Variants in SYT1 observed in about 807,000 individuals in gnomAD.
SYT1 encodes the protein synaptotagmin 1.
In SYT1, 8 loss-of-function variants were observed where a neutral mutation model predicts 44.8. The ratio of observed to expected loss-of-function variants is 0.18; its 90% CI spans 0.10 to 0.32. The LOEUF is 0.32. Among genes scored for constraint, SYT1 ranks in the 10% least tolerant of loss-of-function variants. The pLI is 1.00. For missense variants in SYT1, 286 were observed against 509.3 expected, an observed-to-expected ratio of 0.56 and a Z score of 4.22; for synonymous variants, 154 against 188.8, an observed-to-expected ratio of 0.82 and a Z score of 1.51.
chr12:79,179,500 G>GATATAT (rs1565842406), intron 3 of SYT1, among the ~76,000 whole-genome samples: 2 of 104,208 alleles, frequency 1.9e-5, no homozygotes, highest in African/African-American at 8.6e-5. Flanking sequence ...TATCTATATA[G>GATATAT]ATATAGATAT....
In SYT1 at chr12:79,280,798, A is replaced by G. The variant is rs78721142; in HGVS notation, c.167-4989A>G. On this transcript the variant is annotated intron_variant, in intron 4 of 10. Coordinates refer to ENST00000261205, the MANE Select transcript of SYT1 (RefSeq NM_005639.3). ...CCAAGATCCACAGGGACCTCAAATC[A>G]GCAAGAAAAAAAGATAATAATCCCA... is the stretch of plus-strand genomic sequence containing the variant. Among the ~76,000 whole-genome samples the G allele has an allele frequency of 4.1e-3, 620 of 152,058 alleles. 8 individuals are homozygous for G. Among genetic ancestry groups the G allele is most frequent in the African/African-American group, 0.014 (602 of 41,522 alleles).
At chr12:78,973,925 AAAAAAAAAAAAAAATATATATAT>A (rs1159740536) in intron 1 of SYT1, among the ~76,000 whole-genome samples, 11 of 31,206 alleles carry the variant, frequency 3.5e-4, no homozygotes, top group African/African-American at 1.2e-3. Flanking sequence ...CCAAAAAAAA[AAAAAAAAAAAAAAATATATATAT>A]ATATATATAT....
At chr12:79,161,664 A>T (rs1396655311) in intron 3 of SYT1, among the ~76,000 whole-genome samples, 3 of 152,182 alleles carry the variant, frequency 2.0e-5, no homozygotes, top group Non-Finnish European at 4.4e-5. Context: ...TCTATTTTAC[A>T]ACTGAAGAAC....
intron 1 of SYT1, among the ~76,000 whole-genome samples, chr12:78,887,709 C>T (rs934759810): frequency 1.3e-5 from 2 of 151,954 alleles, no homozygotes; most frequent in East Asian, 3.9e-4. Flanking sequence ...GAGGATATCT[C>T]AATCATCTTT....
intron 8 of SYT1, among the ~76,000 whole-genome samples, chr12:79,352,042 A>C (rs142638601): frequency 1.2e-3 from 180 of 152,272 alleles, no homozygotes; most frequent in African/African-American, 4.2e-3. Context: ...ACTTGGAGCC[A>C]TAAACATATT....
chr12:79,267,487 A>T (rs1349223729), intron 4 of SYT1, among the ~76,000 whole-genome samples: 1 of 152,192 alleles, frequency 6.6e-6, no homozygotes, highest in African/African-American at 2.4e-5. Context: ...CTAACGTAAA[A>T]GTTGAAAAGA....
At chr12:79,187,666 A>G (rs1872881083) in intron 3 of SYT1, among the ~76,000 whole-genome samples, 1 of 152,120 alleles carries the variant, frequency 6.6e-6, no homozygotes, top group Admixed American at 6.6e-5. Flanking sequence ...GATTAGTAGG[A>G]GCCCTAGAAA....
chr12:79,124,617 C>T (rs1028018976), intron 3 of SYT1, among the ~76,000 whole-genome samples: 3 of 152,064 alleles, frequency 2.0e-5, no homozygotes, highest in Middle Eastern at 3.4e-3. Flanking sequence ...ATCATCATCA[C>T]CATCGCCATT....
At position 79,179,478 on chromosome 12, in the gene SYT1, G is replaced by GATATATCCATAT. The variant is rs1565842326; in HGVS notation, c.-17-38024_-17-38023insTATATCCATATA. On this transcript the variant is annotated intron_variant, in intron 3 of 10. Transcript: ENST00000261205. ...TATAATCTATATAGATATAGATATAGAGATATAGATATATCTATATAGATA... is the reference window on the plus strand; with the variant it reads ...TATAATCTATATAGATATAGATATAGATATATCCATATAGATATAGATATATCTATATAGATA... Among the ~76,000 whole-genome samples, 16 of 17,998 alleles carry GATATATCCATAT rather than the reference G, an allele frequency of 8.9e-4. 1 individual carries two copies. Among genetic ancestry groups the GATATATCCATAT allele is most frequent in the Admixed American group, 1.6e-3 (3 of 1,904 alleles). 11.8% of individuals were successfully genotyped at this position (17,998 alleles called of 152,430 possible). A position where few individuals can be genotyped will look rare whatever the true frequency, so the allele number is the denominator to read the frequency against.
intron 8 of SYT1, among the ~76,000 whole-genome samples, chr12:79,349,322 A>T (rs1882787138): frequency 6.6e-6 from 1 of 152,152 alleles, no homozygotes; most frequent in Admixed American, 6.5e-5. Context: ...TGAGTTAGTG[A>T]CCCTGACAGA....
chr12:79,209,909 A>G (rs1448322459), intron 3 of SYT1, among the ~76,000 whole-genome samples: 1 of 152,188 alleles, frequency 6.6e-6, no homozygotes, highest in Non-Finnish European at 1.5e-5. Context: ...GTTAGTTTCA[A>G]TATGGGACTT....
rs545344575 is a variant in SYT1, at chr12:79,188,168, A to G, written c.-17-29335A>G. Among the ~76,000 whole-genome samples, 8 of 152,106 alleles carry G rather than the reference A, an allele frequency of 5.3e-5. No individual in the cohort carries two copies. In the East Asian group the frequency reaches 1.5e-3, roughly 29 times the overall value. On this transcript the variant is annotated intron_variant, in intron 3 of 10. Transcript: ENST00000261205. ...ATTTCCTATTCCAGTTCCCTTTTTC[A>G]TCCAGAGATTTTTATAAGATCATAT...
At chr12:78,977,087 T>A (rs936177454) in intron 1 of SYT1, among the ~76,000 whole-genome samples, 1 of 149,640 alleles carries the variant, frequency 6.7e-6, no homozygotes, top group Non-Finnish European at 1.5e-5. Context: ...AAAGAAAGAA[T>A]GGGGAAAAAA....
chr12:79,002,037 A>T (rs535638357), intron 2 of SYT1, among the ~76,000 whole-genome samples: 31 of 152,276 alleles, frequency 2.0e-4, no homozygotes, highest in African/African-American at 7.5e-4. Flanking sequence ...TCTGCATGAT[A>T]AAATAACTAA....
intron 9 of SYT1, among the ~76,000 whole-genome samples, chr12:79,429,326 C>A (rs1205465756): frequency 6.6e-6 from 1 of 151,992 alleles, no homozygotes; most frequent in Admixed American, 6.6e-5. Context: ...CCTGCCTCAG[C>A]CTCCCACATA....
At chr12:79,313,897 CG>C (rs1412816083) in intron 8 of SYT1, among the ~76,000 whole-genome samples, 1 of 148,906 alleles carries the variant, frequency 6.7e-6, no homozygotes, top group Admixed American at 6.6e-5. Context: ...GGGCCGGGCG[CG>C]GTGGCTCACG....
intron 3 of SYT1, among the ~76,000 whole-genome samples, chr12:79,050,789 C>T (rs985638654): frequency 2.0e-5 from 3 of 151,922 alleles, no homozygotes; most frequent in African/African-American, 7.3e-5. Flanking sequence ...TTGCAAATAT[C>T]CCAAATGTTA....
intron 1 of SYT1, among the ~76,000 whole-genome samples, chr12:78,917,815 T>C (rs1374370293): frequency 2.6e-5 from 4 of 151,996 alleles, no homozygotes; most frequent in Non-Finnish European, 5.9e-5. Flanking sequence ...GCCTACGTTG[T>C]TGGATAGCCT....
chr12:79,088,738 CTGTGTGTGTGTGTG>C (rs571903732), intron 3 of SYT1, among the ~76,000 whole-genome samples: 90 of 137,262 alleles, frequency 6.6e-4, no homozygotes, highest in African/African-American at 1.6e-3. Context: ...GGCTTTGGGC[CTGTGTGTGTGTGTG>C]TGTGTGTGTG....
Sources: gnomAD v4.1 joint callset for allele counts (sites outside exome capture counted in the v4.1 genomes callset) on GRCh38, gnomAD v4.1.1 for gene constraint, MANE v1.5 for transcripts, NCBI Gene and HGNC (gene_info 2026-07-23, HGNC 2026-07-21) for gene names.